The following CAMSAP2 variants were observed in gnomAD, a reference collection of about 807,000 sequenced individuals.
CAMSAP2 encodes calmodulin regulated spectrin associated protein family member 2.
A neutral mutation model predicts 146.1 loss-of-function variants in CAMSAP2; 26 were observed. The ratio of observed to expected loss-of-function variants is 0.18; its 90% CI spans 0.13 to 0.25. The LOEUF (loss-of-function observed/expected upper bound fraction) is 0.25, where lower values mean the gene tolerates loss of function less well. CAMSAP2 is among the 10% of genes least tolerant of loss of function. The pLI, the probability that CAMSAP2 is intolerant of heterozygous loss-of-function variation, is 1.00. For synonymous variants in CAMSAP2, 499 were observed against 596.6 expected, an observed-to-expected ratio of 0.84 and a Z score of 2.38; for missense variants, 1,381 against 1,759.3, an observed-to-expected ratio of 0.78 and a Z score of 3.85.
intron 3 of CAMSAP2, among the ~76,000 whole-genome samples, chr1:200,809,686 G>A (rs1038881280): frequency 1.2e-4 from 19 of 152,190 alleles, no homozygotes; most frequent in African/African-American, 3.9e-4. Flanking sequence ...AGCCGAGATC[G>A]CGCCAGTGCA....
intron 7 of CAMSAP2, 42 bp from the exon 8 acceptor site, chr1:200,844,740 A>G (rs1667417223): frequency 1.7e-6 from 2 of 1,173,626 alleles, no homozygotes; most frequent in Non-Finnish European, 2.4e-6. Context: ...TTTCATAGAA[A>G]TATGCTAATT....
chr1:200,817,971 C>T (rs1666651900), intron 4 of CAMSAP2, among the ~76,000 whole-genome samples: 1 of 152,202 alleles, frequency 6.6e-6, no homozygotes. Flanking sequence ...TTACGTCCCA[C>T]AGTCTTTTCT....
intron 7 of CAMSAP2, among the ~76,000 whole-genome samples, chr1:200,842,939 C>T (rs1449128452): frequency 3.4e-5 from 5 of 148,098 alleles, no homozygotes; most frequent in Admixed American, 2.0e-4. Flanking sequence ...TGCATCACTG[C>T]ACTCCAGCCT....
rs1295226428 is a variant in CAMSAP2, at chr1:200,858,706, A to G, written c.*647A>G. 2 of 152,670 alleles carry G rather than the reference A, an allele frequency of 1.3e-5. No homozygotes were observed. Among genetic ancestry groups the G allele is most frequent in the African/African-American group, 4.8e-5 (2 of 41,448 alleles). The allele number at this position is 152,670 out of a possible 1,614,324, so 9.5% of individuals were successfully genotyped here. ...ATTCACTCAAGTATTAACATTCTCT[A>G]TTAAATAAGAGGAGGTGTTGTAAAG... On this transcript the variant is annotated 3_prime_UTR_variant, in exon 17 of 17. Coordinates refer to ENST00000358823, the MANE Select transcript of CAMSAP2 (RefSeq NM_203459.4).
At chr1:200,751,285 G>A (rs1458539327) in intron 1 of CAMSAP2, among the ~76,000 whole-genome samples, 3 of 151,114 alleles carry the variant, frequency 2.0e-5, no homozygotes, top group Non-Finnish European at 4.4e-5. Flanking sequence ...GACCATTTGA[G>A]AATATGTAAA....
chr1:200,852,474 C>T (rs187326256), intron 11 of CAMSAP2, 67 bp from the exon 12 acceptor site: 5 of 1,549,814 alleles, frequency 3.2e-6, no homozygotes, highest in Non-Finnish European at 4.4e-6. Flanking sequence ...AATGTGACTA[C>T]AACAATTGAA....
intron 2 of CAMSAP2, among the ~76,000 whole-genome samples, chr1:200,775,459 A>G (rs1004719326): frequency 1.8e-4 from 28 of 152,156 alleles, no homozygotes; most frequent in African/African-American, 5.8e-4. Flanking sequence ...TTTTTTTCAG[A>G]ATCATTAAAT....
chr1:200,754,597 T>A (rs959978313), intron 1 of CAMSAP2, among the ~76,000 whole-genome samples: 1 of 144,914 alleles, frequency 6.9e-6, no homozygotes. Context: ...TTTTTTTTTT[T>A]TTTGAGACGA....
intron 4 of CAMSAP2, among the ~76,000 whole-genome samples, chr1:200,822,986 C>T (rs967342799): frequency 2.0e-5 from 3 of 152,100 alleles, no homozygotes; most frequent in Non-Finnish European, 4.4e-5. Flanking sequence ...ATTATGTTTC[C>T]GTTTGTAATA....
chr1:200,848,012 T>G lies in CAMSAP2; in HGVS notation c.1263-20T>G, dbSNP rs751375099. The G allele has an allele frequency of 6.9e-7, 1 of 1,440,774 alleles. No individual in the cohort carries two copies. Among genetic ancestry groups the G allele is most frequent in the Non-Finnish European group, 9.3e-7 (1 of 1,075,170 alleles). 89.2% of individuals were successfully genotyped at this position (1,440,774 alleles called of 1,614,324 possible). A position where few individuals can be genotyped will look rare whatever the true frequency, so the allele number is the denominator to read the frequency against. On this transcript the variant is annotated intron_variant, in intron 10 of 16. Transcript: ENST00000358823. ...ATTTCTAGGATTTTTAAAGGATTTT[T>G]CTCTTTAACTTTTTTTTAGATCATC...
chr1:200,848,721 A>G lies in CAMSAP2; in HGVS notation c.1952A>G (p.Asp651Gly), dbSNP rs1265122052. 6.2e-7 allele frequency: 1 copy of G among 1,614,148 alleles called. No individual in the cohort carries two copies. Among genetic ancestry groups the G allele is most frequent in the Admixed American group, 1.7e-5 (1 of 60,020 alleles). ...GCATCTAAATTTCTTCAGGATTATG[A>G]TATTCGAACTGGCAACACCAGGGAA... ...DDASKFLQDY[D>G]IRTGNTREAL... The change falls in exon 11 of 17, where the codon GAT (aspartate) becomes GGT (glycine). Residue 651 changes from aspartate (D) to glycine (G), a missense_variant. Asp to Gly is a moderately conservative substitution (Grantham distance 94). Transcript: ENST00000358823.
In CAMSAP2 at chr1:200,849,966, A is replaced by T; in HGVS notation, c.3197A>T (p.Glu1066Val). 6.2e-7 allele frequency: 1 copy of T among 1,614,228 alleles called. No individual in the cohort carries two copies. The highest frequency in any genetic ancestry group is 8.5e-7 in the Non-Finnish European group (1 of 1,180,040). ...NPEEKEIKPFESTVSEVLSLP... is the reference protein window; with the variant it reads ...NPEEKEIKPFVSTVSEVLSLP... ...GAAGAAAAGGAAATCAAACCTTTTG[A>T]GTCAACAGTCTCTGAAGTCCTATCA... The change falls in exon 11 of 17, where the codon GAG becomes GTG. Residue 1066 changes from glutamate to valine, a missense_variant. Glu to Val is a moderately radical substitution (Grantham distance 121). Coordinates refer to ENST00000358823, the MANE Select transcript of CAMSAP2 (RefSeq NM_203459.4). The surrounding 1 kb of genome is among the most constrained non-coding windows in gnomAD (Gnocchi z 6.3).
intron 1 of CAMSAP2, among the ~76,000 whole-genome samples, chr1:200,757,321 G>A (rs965092198): frequency 1.3e-5 from 2 of 152,160 alleles, no homozygotes; most frequent in African/African-American, 4.8e-5. Flanking sequence ...TACTGTCTCT[G>A]CTCCCTCTAC....
chr1:200,814,147 C>CGGGGGGGA (rs1316609882), intron 3 of CAMSAP2, among the ~76,000 whole-genome samples: 1 of 3,168 alleles, frequency 3.2e-4, no homozygotes, highest in African/African-American at 1.1e-3. Context: ...GAGGGGTGGG[C>CGGGGGGGA]GGGTGGGGAA....
intron 2 of CAMSAP2, among the ~76,000 whole-genome samples, chr1:200,788,816 ATTT>A (rs35901761): frequency 2.2e-5 from 3 of 138,312 alleles, no homozygotes; most frequent in East Asian, 2.1e-4. Flanking sequence ...TGACTTTTGT[ATTT>A]TTTTTTTTTT....
intron 4 of CAMSAP2, among the ~76,000 whole-genome samples, chr1:200,828,125 T>A (rs1666950172): frequency 6.6e-6 from 1 of 152,174 alleles, no homozygotes; most frequent in Non-Finnish European, 1.5e-5. Context: ...TACTTGTTTT[T>A]ATTGAAATTA....
rs551142287 is a variant in CAMSAP2 at position 200,746,839 on chromosome 1, T to C, written c.139+6873T>C. 5.4e-4 allele frequency among the ~76,000 whole-genome samples: 82 copies of C among 152,082 alleles called. 1 individual carries two copies. The highest frequency in any genetic ancestry group is 1.2e-3 in the Admixed American group (19 of 15,266). On this transcript the variant is annotated intron_variant, in intron 1 of 16. Transcript: ENST00000358823. ...TTCACCGTGTTAGCCAGGATGGTCTTGATCTCCCGACCTCGTGATCTGCCC... is the reference window on the plus strand; with the variant it reads ...TTCACCGTGTTAGCCAGGATGGTCTCGATCTCCCGACCTCGTGATCTGCCC...
intron 4 of CAMSAP2, among the ~76,000 whole-genome samples, chr1:200,830,286 A>G (rs1667009193): frequency 6.7e-6 from 1 of 150,368 alleles, no homozygotes; most frequent in African/African-American, 2.4e-5. Context: ...CTTATTGCTA[A>G]TGTCATATAA....
At chr1:200,850,369 T>A in intron 11 of CAMSAP2, 135 bp downstream of exon 11, 1 of 700,802 alleles carries the variant, frequency 1.4e-6, no homozygotes, top group Non-Finnish European at 2.3e-6. Flanking sequence ...CCCCATTAAC[T>A]ATAGTAACAT....
Sources: gnomAD v4.1 joint callset for allele counts (sites outside exome capture counted in the v4.1 genomes callset) on GRCh38, gnomAD v4.1.1 for gene constraint, Gnocchi (gnomAD v3.1) non-coding constraint, MANE v1.5 for transcripts, NCBI Gene and HGNC (gene_info 2026-07-23, HGNC 2026-07-21) for gene names.